CAMK1D: variants seen among roughly 807,000 people sequenced by gnomAD.
CAMK1D encodes calcium/calmodulin-dependent protein kinase type 1D.
A neutral mutation model predicts 47.7 loss-of-function variants in CAMK1D; 9 were observed. The ratio of observed to expected loss-of-function variants is 0.19; its 90% CI spans 0.11 to 0.33. The LOEUF (loss-of-function observed/expected upper bound fraction) is 0.33. CAMK1D is among the 10% of genes least tolerant of loss of function. CAMK1D has a pLI of 1.00. For missense variants in CAMK1D, 291 were observed against 488.7 expected, an observed-to-expected ratio of 0.60 and a Z score of 3.81; for synonymous variants, 184 against 184.9, an observed-to-expected ratio of 0.99 and a Z score of 0.04.
rs557726886 is a variant in CAMK1D at position 12,612,459 on chromosome 10, A to G, written c.225-54277A>G. Among the ~76,000 whole-genome samples the G allele has an allele frequency of 2.0e-5, 3 of 150,590 alleles. No homozygotes were observed. In the East Asian group the frequency reaches 5.9e-4, roughly 29 times the overall value. On this transcript the variant is annotated intron_variant, in intron 2 of 10. Coordinates refer to ENST00000619168, the MANE Select transcript of CAMK1D (RefSeq NM_153498.4). ...TGGGCTTAAGAAATCTTCCTGCCTC[A>G]GCCTCCCAAGTAGTGGGGATTAAGG...
chr10:12,665,349 C>A (rs1186080418), intron 2 of CAMK1D, among the ~76,000 whole-genome samples: 1 of 152,228 alleles, frequency 6.6e-6, no homozygotes, highest in South Asian at 2.1e-4. Context: ...TTATAAACTT[C>A]TTTCGCGGGG....
chr10:12,570,718 A>C (rs1462884536), intron 2 of CAMK1D, among the ~76,000 whole-genome samples: 1 of 150,146 alleles, frequency 6.7e-6, no homozygotes, highest in African/African-American at 2.5e-5. Context: ...GGACAGCAGC[A>C]CTTTGGGAGG....
Position 12,827,472 on chromosome 10 carries a change from G to GTCTTTCTTTCTTTCTTTCTTTCTTTATT in CAMK1D, c.1040-1272_1040-1271insATTTCTTTCTTTCTTTCTTTCTTTCTTT, listed in dbSNP as rs1833282615. 3.9e-4 allele frequency among the ~76,000 whole-genome samples: 2 copies of GTCTTTCTTTCTTTCTTTCTTTCTTTATT among 5,096 alleles called. 1 individual carries two copies. Among genetic ancestry groups the GTCTTTCTTTCTTTCTTTCTTTCTTTATT allele is most frequent in the East Asian group, 0.016 (2 of 122 alleles). 3.3% of individuals were successfully genotyped at this position (5,096 alleles called of 152,430 possible). On this transcript the variant is annotated intron_variant, in intron 10 of 10. Transcript: ENST00000619168. ...CTTTCTTTTCTTTCTTTGTCTGTCT[G>GTCTTTCTTTCTTTCTTTCTTTCTTTATT]TCTTTCTTTCTTTCTTTCTTTCTTT...
At chr10:12,566,726 G>C (rs1350545768) in intron 2 of CAMK1D, among the ~76,000 whole-genome samples, 1 of 152,214 alleles carries the variant, frequency 6.6e-6, no homozygotes, top group Admixed American at 6.5e-5. Flanking sequence ...CCTCTTTCAG[G>C]AGAATGCGGG....
intron 1 of CAMK1D, among the ~76,000 whole-genome samples, chr10:12,458,768 G>T (rs1307609890): frequency 1.3e-5 from 2 of 152,024 alleles, no homozygotes; most frequent in East Asian, 3.9e-4. Context: ...TAATAAAGTG[G>T]TGTAAAATCT....
chr10:12,623,512 C>T (rs190273570), intron 2 of CAMK1D, among the ~76,000 whole-genome samples: 33 of 66,296 alleles, frequency 5.0e-4, no homozygotes, highest in South Asian at 1.5e-3. Context: ...CCCTTCCTCC[C>T]TCCCTCTCTT....
At chr10:12,403,490 T>C (rs1450031506) in intron 1 of CAMK1D, among the ~76,000 whole-genome samples, 1 of 152,046 alleles carries the variant, frequency 6.6e-6, no homozygotes, top group Non-Finnish European at 1.5e-5. Context: ...TCCAGAAGAG[T>C]GGGCACTCAA....
Position 12,616,097 on chromosome 10 carries a change from T to C in CAMK1D, c.225-50639T>C, listed in dbSNP as rs573882715. On this transcript the variant is annotated intron_variant, in intron 2 of 10. Coordinates refer to ENST00000619168, the MANE Select transcript of CAMK1D (RefSeq NM_153498.4). ...TTGTGCGTGTATTGGTGTGTATAGG[T>C]GTGAGCGTGTGTGTATGTGGGTGTG... Among the ~76,000 whole-genome samples the C allele has an allele frequency of 2.0e-5, 3 of 151,942 alleles. No homozygotes were observed. In the East Asian group the frequency reaches 5.8e-4, roughly 29 times the overall value.
At chr10:12,694,024 AAT>A (rs1833062461) in intron 3 of CAMK1D, among the ~76,000 whole-genome samples, 1 of 69,450 alleles carries the variant, frequency 1.4e-5, no homozygotes, top group East Asian at 4.9e-4. Context: ...AAATATATAT[AAT>A]ATATATAAAA....
chr10:12,355,754 T>C (rs1158876004), intron 1 of CAMK1D, among the ~76,000 whole-genome samples: 2 of 152,302 alleles, frequency 1.3e-5, no homozygotes, highest in East Asian at 1.9e-4. Flanking sequence ...CAGCCTCTCA[T>C]ACATTTAAAA....
intron 1 of CAMK1D, among the ~76,000 whole-genome samples, chr10:12,527,006 A>G (rs1291355953): frequency 6.6e-6 from 1 of 152,096 alleles, no homozygotes; most frequent in Non-Finnish European, 1.5e-5. Context: ...GCAATGTAGC[A>G]AGACCCCATT....
At chr10:12,764,398 A>AAAAAAAAAC (rs1554822757) in intron 4 of CAMK1D, among the ~76,000 whole-genome samples, 4 of 151,186 alleles carry the variant, frequency 2.6e-5, no homozygotes, top group African/African-American at 7.3e-5. Flanking sequence ...AAAAAAAAAA[A>AAAAAAAAAC]CATTGATCTA....
intron 1 of CAMK1D, among the ~76,000 whole-genome samples, chr10:12,520,417 T>C (rs1396509282): frequency 1.4e-4 from 11 of 79,114 alleles, no homozygotes; most frequent in Non-Finnish European, 1.6e-4. Flanking sequence ...GGATGGCGGC[T>C]GGGCAGAGAC....
In CAMK1D at chr10:12,691,770, G is replaced by A. The variant is rs755246148; in HGVS notation, c.299+24960G>A. 4.3e-4 allele frequency among the ~76,000 whole-genome samples: 66 copies of A among 152,194 alleles called. 1 individual carries two copies. The highest frequency in any genetic ancestry group is 6.9e-4 in the Non-Finnish European group (47 of 68,010). On this transcript the variant is annotated intron_variant, in intron 3 of 10. Transcript: ENST00000619168. ...CTGCTCCTCTATATTTTAATATGCA[G>A]TATATGTGGTGCATCCCCTCTGTGA...
intron 6 of CAMK1D, among the ~76,000 whole-genome samples, chr10:12,807,966 G>A (rs1838810841): frequency 6.6e-6 from 1 of 152,208 alleles, no homozygotes; most frequent in Non-Finnish European, 1.5e-5. Context: ...ACCTTAGGGT[G>A]GGGAATACAG....
intron 2 of CAMK1D, among the ~76,000 whole-genome samples, chr10:12,608,193 T>G (rs1044000843): frequency 2.6e-5 from 4 of 151,934 alleles, no homozygotes; most frequent in African/African-American, 9.7e-5. Flanking sequence ...CCAAGGTGGG[T>G]GGATCACTTG....
chr10:12,798,041 C>A (rs575492479), intron 6 of CAMK1D, among the ~76,000 whole-genome samples: 1 of 152,324 alleles, frequency 6.6e-6, no homozygotes, highest in Non-Finnish European at 1.5e-5. Flanking sequence ...AATGCACCAA[C>A]TTCTGTGGCT....
chr10:12,803,495 A>G (rs998462681), intron 6 of CAMK1D, among the ~76,000 whole-genome samples: 7 of 152,124 alleles, frequency 4.6e-5, no homozygotes, highest in Non-Finnish European at 1.0e-4. Context: ...CAGCCTGGCC[A>G]ACACGGTGAA....
chr10:12,543,147 A>T (rs1006763625), intron 1 of CAMK1D, among the ~76,000 whole-genome samples: 3 of 151,978 alleles, frequency 2.0e-5, no homozygotes, highest in African/African-American at 4.8e-5. Flanking sequence ...TCCTGGGTTC[A>T]AGTGATTCTC....
Sources: allele counts gnomAD v4.1 joint callset (sites outside exome capture counted in the v4.1 genomes callset), GRCh38; gene constraint gnomAD v4.1.1; transcripts MANE v1.5; gene names NCBI Gene and HGNC (gene_info 2026-07-23, HGNC 2026-07-21).